The following IRX6 variants were observed in gnomAD, a reference collection of about 807,000 sequenced individuals.
IRX6 encodes iroquois homeobox 6.
IRX6 carries 46 observed loss-of-function variants against 47.7 expected under a neutral mutation model. The observed-to-expected ratio is 0.96, with a 90% CI of 0.76 to 1.23. IRX6 has a LOEUF of 1.23. Ranked by LOEUF, IRX6 falls within the 50% of genes most tolerant of loss-of-function variation. The pLI, the probability that IRX6 is intolerant of heterozygous loss-of-function variation, is 0.00. For synonymous variants in IRX6, 265 were observed against 246.2 expected, an observed-to-expected ratio of 1.08 and a Z score of -0.72; for missense variants, 722 against 588.0, an observed-to-expected ratio of 1.23 and a Z score of -2.36.
chr16:55,328,568 C>T, intron 4 of IRX6, 132 bp from the exon 5 acceptor site: 2 of 892,926 alleles, frequency 2.2e-6, no homozygotes, highest in Admixed American at 4.6e-5. Flanking sequence ...GGTGGTACGG[C>T]AGGTCTGGTG....
chr16:55,328,698 A>G lies in IRX6; in HGVS notation c.722-2A>G, dbSNP rs1319248325. On this transcript the variant is annotated splice_acceptor_variant, in intron 4 of 5. Coordinates refer to ENST00000290552, the MANE Select transcript of IRX6 (RefSeq NM_024335.3). LOFTEE classifies it high-confidence loss of function. ...TTCTCACTCGCTCTTGATTTCCTGC[A>G]GAAGTTACTGCTAGCCAGGAGGCCC... The G allele has an allele frequency of 2.5e-6, 4 of 1,612,490 alleles. No homozygotes were observed. Among genetic ancestry groups the G allele is most frequent in the Non-Finnish European group, 3.4e-6 (4 of 1,179,562 alleles).
chr16:55,328,013 T>G, intron 4 of IRX6, 120 bp downstream of exon 4: 2 of 906,274 alleles, frequency 2.2e-6, no homozygotes, highest in Non-Finnish European at 3.3e-6. Flanking sequence ...ACCCTTGCAC[T>G]TCCCTGCCTG....
At position 55,327,343 on chromosome 16, in the gene IRX6, C is replaced by G; in HGVS notation, c.351C>G (p.Ser117Arg). ...FKEAAGSFTS[S>R]LAQPGAYYPY... ...AGGCTGCAGGGAGTTTTACATCCAG[C>G]CTGGCACAACCAGGAGCCTATTATC... The change falls in exon 3 of 6, where the codon AGC becomes AGG. Residue 117 changes from serine to arginine, a missense_variant. Physicochemically the swap from Ser to Arg is moderately radical, Grantham distance 110. Transcript: ENST00000290552. 6.2e-7 allele frequency: 1 copy of G among 1,614,014 alleles called. No homozygotes were observed. Among genetic ancestry groups the G allele is most frequent in the South Asian group, 1.1e-5 (1 of 91,076 alleles).
chr16:55,325,161 A>T, intron 1 of IRX6, 25 bp downstream of exon 1: 1 of 1,612,270 alleles, frequency 6.2e-7, no homozygotes, highest in Non-Finnish European at 8.5e-7. Context: ...TATGGGGGAT[A>T]GGGGACAGAC....
At chr16:55,328,612 T>TTC (rs1159366488) in intron 4 of IRX6, 88 bp from the exon 5 acceptor site, 1 of 1,391,100 alleles carries the variant, frequency 7.2e-7, no homozygotes. Flanking sequence ...TGCAGGGCGC[T>TTC]TCTTGCTAAA....
Position 55,324,715 on chromosome 16 carries a change from T to G in IRX6, c.-377T>G. 4.3e-6 allele frequency: 1 copy of G among 231,372 alleles called. No homozygotes were observed. The allele number at this position is 231,372 out of a possible 1,614,324, so 14.3% of individuals were successfully genotyped here. ...CGGGGTCCCGTCTGGCGGCCCGGGA[T>G]TACCGTGACGTCACATTGAGCCTCT... is the stretch of plus-strand genomic sequence containing the variant. On this transcript the variant is annotated 5_prime_UTR_variant, in exon 1 of 6. Transcript: ENST00000290552. This position sits in a 1 kb window ranked among gnomAD's most constrained non-coding sequence, Gnocchi z 4.4.
At position 55,325,068 on chromosome 16, in the gene IRX6, A is replaced by G; in HGVS notation, c.-24A>G. 1 of 1,613,756 alleles carries G rather than the reference A, an allele frequency of 6.2e-7. No homozygotes were observed. Among genetic ancestry groups the G allele is most frequent in the Non-Finnish European group, 8.5e-7 (1 of 1,179,820 alleles). On this transcript the variant is annotated 5_prime_UTR_variant, in exon 1 of 6. Transcript: ENST00000290552. ...GAGACGGGAACTCGACAGGGAAGAG[A>G]GAGACGGGCCAGGGACAGCCACCAT... is the stretch of plus-strand genomic sequence containing the variant.
rs747667300 is a variant in IRX6, at chr16:55,327,393, AC to A, written c.403del (p.Gln135AsnfsTer10). The A allele has an allele frequency of 7.4e-6, 12 of 1,612,470 alleles. No homozygotes were observed. The South Asian group carries it at 1.2e-4, about 16-fold the overall frequency. On this transcript the variant is annotated frameshift_variant, in exon 3 of 6. Transcript: ENST00000290552. LOFTEE classifies it high-confidence loss of function. ...CCCTATGAGCGGACTCTGGGGCAGT[AC>A]CAATATGAACGGTAAGGAGTGAAGG... The part of the protein sequence containing the change: ...YYPYERTLGQ[Y>X]QYERYGAVEL...
At position 55,327,645 on chromosome 16, in the gene IRX6, C is replaced by A; in HGVS notation, c.473C>A (p.Thr158Asn). The A allele has an allele frequency of 6.2e-7, 1 of 1,612,456 alleles. No homozygotes were observed. Among genetic ancestry groups the A allele is most frequent in the Non-Finnish European group, 8.5e-7 (1 of 1,179,916 alleles). The part of the protein sequence containing the change: ...GRRKNATRET[T>N]STLKAWLNEH... The stretch of plus-strand genomic sequence containing the variant: ...CGAAAGAACGCGACCCGGGAGACCA[C>A]CAGTACACTCAAGGCCTGGCTCAAC... The change falls in exon 4 of 6, where the codon ACC becomes AAC. Residue 158 changes from threonine (T) to asparagine (N), a missense_variant. Coordinates refer to ENST00000290552, the MANE Select transcript of IRX6 (RefSeq NM_024335.3).
rs1286650218 is a variant in IRX6, at chr16:55,328,693, C to T, written c.722-7C>T. ...GGCTTTTCTCACTCGCTCTTGATTT[C>T]CTGCAGAAGTTACTGCTAGCCAGGA... is the stretch of plus-strand genomic sequence containing the variant. On this transcript the variant is annotated splice_polypyrimidine_tract_variant and splice_region_variant and intron_variant, in intron 4 of 5. Transcript: ENST00000290552. 15 of 1,611,576 alleles carry T rather than the reference C, an allele frequency of 9.3e-6. No individual in the cohort carries two copies. Among genetic ancestry groups the T allele is most frequent in the African/African-American group, 1.3e-5 (1 of 74,864 alleles).
Position 55,325,126 on chromosome 16 carries a change from G to T in IRX6, c.35G>T (p.Gly12Val), listed in dbSNP as rs1413079551. 26 of 1,613,856 alleles carry T rather than the reference G, an allele frequency of 1.6e-5. No individual in the cohort carries two copies. The highest frequency in any genetic ancestry group is 2.2e-5 in the Non-Finnish European group (26 of 1,180,020). ...CCACACTTTGGACACCCGTACCGCG[G>T]CGCTTCCCAGGTAAGAGGCGCCTCT... ...SFPHFGHPYR[G>V]ASQFLASASS... The change falls in exon 1 of 6, where the codon GGC becomes GTC. Residue 12 changes from glycine to valine, a missense_variant. Physicochemically the swap from Gly to Val is moderately radical, Grantham distance 109. Transcript: ENST00000290552.
intron 2 of IRX6, among the ~76,000 whole-genome samples, 158 bp from the exon 3 acceptor site, chr16:55,327,138 G>A (rs1960545388): frequency 6.6e-6 from 1 of 152,088 alleles, no homozygotes; most frequent in Admixed American, 6.5e-5. Context: ...GGAAGAAATT[G>A]AGGCACAGAG....
chr16:55,330,286 T>G lies in IRX6; in HGVS notation c.1334-12T>G, dbSNP rs1960618944. On this transcript the variant is annotated splice_polypyrimidine_tract_variant and intron_variant, in intron 5 of 5. Transcript: ENST00000290552. Reference sequence around the variant, plus strand: ...ACAGCCTTTGGGTTTTAATCAACCTTTCCTCTCTCAGCAGGTTAGCGCAAT... The same window carrying G: ...ACAGCCTTTGGGTTTTAATCAACCTGTCCTCTCTCAGCAGGTTAGCGCAAT... 1.2e-6 allele frequency: 2 copies of G among 1,613,484 alleles called. No individual in the cohort carries two copies. The highest frequency in any genetic ancestry group is 1.7e-6 in the Non-Finnish European group (2 of 1,179,504).
chr16:55,329,252 C>A lies in IRX6; in HGVS notation c.1274C>A (p.Ala425Glu), dbSNP rs367835105. Residue 425 changes from alanine (A) to glutamate (E), a missense_variant, in exon 5 of 6, where the codon GCG becomes GAG. Ala to Glu is a moderately radical substitution (Grantham distance 107). Transcript: ENST00000290552. ...FALQGLPLNC[A>E]PCPRRSEPVV... Reference sequence around the variant, plus strand: ...CTGCAGGGACTACCGCTGAACTGTGCGCCGTGCCCGCGGAGGAGCGAGCCT... The same window carrying A: ...CTGCAGGGACTACCGCTGAACTGTGAGCCGTGCCCGCGGAGGAGCGAGCCT... The A allele has an allele frequency of 5.6e-6, 9 of 1,613,306 alleles. No homozygotes were observed. The highest frequency in any genetic ancestry group is 2.2e-5 in the South Asian group (2 of 91,080).
chr16:55,329,425 C>A, intron 5 of IRX6, 114 bp downstream of exon 5: 1 of 1,320,392 alleles, frequency 7.6e-7, no homozygotes. Context: ...TCCCACAGAA[C>A]TGACGGGAGA....
intron 4 of IRX6, among the ~76,000 whole-genome samples, chr16:55,328,197 T>C (rs1960571191): frequency 6.6e-6 from 1 of 152,178 alleles, no homozygotes; most frequent in Admixed American, 6.5e-5. Flanking sequence ...GCCATACTTG[T>C]CACTGTGAGA....
rs769688495 is a variant in IRX6 at position 55,327,769 on chromosome 16, C to T, written c.597C>T (p.Asn199=). 37 of 1,612,324 alleles carry T rather than the reference C, an allele frequency of 2.3e-5. No individual in the cohort carries two copies. Among genetic ancestry groups the T allele is most frequent in the Non-Finnish European group, 3.1e-5 (36 of 1,179,894 alleles). The change falls in exon 4 of 6, where the codon AAC becomes AAT. Residue 199 remains asparagine, a synonymous_variant. Coordinates refer to ENST00000290552, the MANE Select transcript of IRX6 (RefSeq NM_024335.3). ...CCCAGGTGTCCACCTGGTTCGCCAA[C>T]GCACGCCGGCGCCTCAAGAAAGAGA... is the stretch of plus-strand genomic sequence containing the variant. ...TLTQVSTWFA[N]ARRRLKKENK...
Position 55,326,426 on chromosome 16 carries a change from G to A in IRX6, c.136G>A (p.Ala46Thr), listed in dbSNP as rs1161197805. The A allele has an allele frequency of 1.1e-5, 17 of 1,613,934 alleles. No individual in the cohort carries two copies. The highest frequency in any genetic ancestry group is 2.2e-5 in the South Asian group (2 of 91,072). ...GGCATCAGGCTCCACCCCAGCGCCC[G>A]CTCTCTGCTGCGCACCCTACGATAG... ...DVASGSTPAP[A>T]LCCAPYDSRL... Residue 46 changes from alanine (A) to threonine (T), a missense_variant, in exon 2 of 6, where the codon GCT (alanine) becomes ACT (threonine). Coordinates refer to ENST00000290552, the MANE Select transcript of IRX6 (RefSeq NM_024335.3).
chr16:55,327,343 C>T lies in IRX6; in HGVS notation c.351C>T (p.Ser117=). ...FKEAAGSFTS[S]LAQPGAYYPY... ...AGGCTGCAGGGAGTTTTACATCCAG[C>T]CTGGCACAACCAGGAGCCTATTATC... Residue 117 remains serine (S), a synonymous_variant, in exon 3 of 6, where the codon AGC becomes AGT. Coordinates refer to ENST00000290552, the MANE Select transcript of IRX6 (RefSeq NM_024335.3). 6.2e-7 allele frequency: 1 copy of T among 1,614,014 alleles called. No individual in the cohort carries two copies. The highest frequency in any genetic ancestry group is 8.5e-7 in the Non-Finnish European group (1 of 1,179,920).
Sources: allele counts gnomAD v4.1 joint callset (sites outside exome capture counted in the v4.1 genomes callset), GRCh38; gene constraint gnomAD v4.1.1; non-coding constraint Gnocchi (gnomAD v3.1); transcripts MANE v1.5; gene names NCBI Gene and HGNC (gene_info 2026-07-23, HGNC 2026-07-21).